Variants in KATNIP observed in about 807,000 individuals in gnomAD.
KATNIP encodes the protein katanin interacting protein.
KATNIP carries 126 observed loss-of-function variants against 174.0 expected under a neutral mutation model. The ratio of observed to expected loss-of-function variants is 0.72; its 90% CI spans 0.63 to 0.84. The LOEUF (loss-of-function observed/expected upper bound fraction) is 0.84, where lower values mean the gene tolerates loss of function less well. Among genes scored for constraint, KATNIP ranks in the 40% least tolerant of loss-of-function variants. The probability of loss-of-function intolerance (pLI) is 0.00; values close to 1 mark genes in which losing one functional copy is unlikely to be tolerated. For synonymous variants in KATNIP, 810 were observed against 835.7 expected (o/e 0.97, Z 0.53); for missense variants, 1,958 against 2,109.7 (o/e 0.93, Z 1.41).
intron 20 of KATNIP, among the ~76,000 whole-genome samples, chr16:27,766,714 G>T (rs2082138421): frequency 6.6e-6 from 1 of 152,208 alleles, no homozygotes. Context: ...GGTGCTGGGG[G>T]GTCCTAGGCA....
At chr16:27,667,494 T>C (rs1308129610) in intron 6 of KATNIP, among the ~76,000 whole-genome samples, 1 of 152,130 alleles carries the variant, frequency 6.6e-6, no homozygotes, top group Non-Finnish European at 1.5e-5. Context: ...ACTAGCAATA[T>C]ATGCCAGACT....
At chr16:27,772,462 C>T (rs1314511062) in intron 22 of KATNIP, among the ~76,000 whole-genome samples, 1 of 152,212 alleles carries the variant, frequency 6.6e-6, no homozygotes, top group African/African-American at 2.4e-5. Flanking sequence ...ATCTGAGAGC[C>T]ACCCGGCCTG....
At chr16:27,702,846 A>G (rs757933528) in intron 11 of KATNIP, among the ~76,000 whole-genome samples, 7 of 152,142 alleles carry the variant, frequency 4.6e-5, no homozygotes, top group Non-Finnish European at 8.8e-5. Flanking sequence ...CATTGTGGCC[A>G]TAATAAGAAC....
At chr16:27,759,353 T>C (rs1394657109) in intron 18 of KATNIP, among the ~76,000 whole-genome samples, 1 of 152,140 alleles carries the variant, frequency 6.6e-6, no homozygotes, top group Admixed American at 6.5e-5. Flanking sequence ...GAGCTCTGGT[T>C]ATTAGGGAAG....
At chr16:27,640,731 C>T (rs890244609) in intron 5 of KATNIP, among the ~76,000 whole-genome samples, 2 of 141,314 alleles carry the variant, frequency 1.4e-5, no homozygotes, top group Non-Finnish European at 3.0e-5. Context: ...TGTATGCAGT[C>T]GGCGCTCAGT....
At chr16:27,623,273 G>C in intron 3 of KATNIP, among the ~76,000 whole-genome samples, 1 of 152,190 alleles carries the variant, frequency 6.6e-6, no homozygotes, top group Non-Finnish European at 1.5e-5. Context: ...CCAGGTTGGA[G>C]GTTTCCTTGG....
At chr16:27,775,171 C>G in intron 24 of KATNIP, 87 bp downstream of exon 24, 1 of 1,482,054 alleles carries the variant, frequency 6.7e-7, no homozygotes, top group Non-Finnish European at 9.1e-7. Flanking sequence ...ACACGTCTTT[C>G]TTCCAGGTCA....
At chr16:27,730,604 T>C (rs1218095890) in intron 14 of KATNIP, among the ~76,000 whole-genome samples, 2 of 152,222 alleles carry the variant, frequency 1.3e-5, no homozygotes, top group Admixed American at 6.5e-5. Flanking sequence ...GAGCCTGGAA[T>C]ACCTGACCCG....
intron 2 of KATNIP, among the ~76,000 whole-genome samples, chr16:27,585,368 T>C (rs1439205746): frequency 6.6e-6 from 1 of 152,210 alleles, no homozygotes; most frequent in Non-Finnish European, 1.5e-5. Context: ...GGAGAACAGT[T>C]TGGAGATTCC....
intron 13 of KATNIP, among the ~76,000 whole-genome samples, chr16:27,719,688 C>CT (rs766052561): frequency 2.0e-3 from 284 of 138,656 alleles, no homozygotes; most frequent in Admixed American, 2.2e-3. Context: ...GCCCTTATTT[C>CT]TTTTTTTTTT....
chr16:27,721,201 G>A (rs75733218), intron 13 of KATNIP, among the ~76,000 whole-genome samples: 3,924 of 152,208 alleles, frequency 0.026, 69 homozygotes, highest in Non-Finnish European at 0.041. Flanking sequence ...ATCAAATAGC[G>A]TCCCATCCTT....
chr16:27,750,102 T>C lies in KATNIP; in HGVS notation c.3142T>C (p.Trp1048Arg). The change falls in exon 16 of 28, where the codon TGG becomes CGG. Residue 1048 changes from tryptophan to arginine, a missense_variant. Trp to Arg is a moderately radical substitution (Grantham distance 101). This residue lies in a region of KATNIP where 1,557 missense variants were observed against 1,617.8 expected (regional missense o/e 0.96). Transcript: ENST00000261588. ...CAGGACCCAGGATGACATGCATGTC[T>C]GGCTGGCCCCCTTCACGCGGGGCAG... ...VNRTQDDMHV[W>R]LAPFTRGRSH... 1 of 1,614,160 alleles carries C rather than the reference T, an allele frequency of 6.2e-7. No homozygotes were observed. Among genetic ancestry groups the C allele is most frequent in the Non-Finnish European group, 8.5e-7 (1 of 1,180,020 alleles).
intron 2 of KATNIP, among the ~76,000 whole-genome samples, chr16:27,610,831 AT>A (rs2075869905): frequency 6.6e-6 from 1 of 152,234 alleles, no homozygotes; most frequent in South Asian, 2.1e-4. Flanking sequence ...GCTCACTGAG[AT>A]AAATGCATAT....
intron 2 of KATNIP, among the ~76,000 whole-genome samples, chr16:27,614,689 G>T (rs1035822161): frequency 6.6e-6 from 1 of 152,072 alleles, no homozygotes; most frequent in African/African-American, 2.4e-5. Context: ...GGCCAACTTA[G>T]CCAGAAGCAA....
At chr16:27,696,895 A>T (rs1000228540) in intron 8 of KATNIP, among the ~76,000 whole-genome samples, 10 of 151,888 alleles carry the variant, frequency 6.6e-5, no homozygotes, top group Middle Eastern at 3.4e-3. Flanking sequence ...CACCCAGCTA[A>T]TTTTTGTATT....
At chr16:27,558,877 A>G (rs1470999765) in intron 1 of KATNIP, among the ~76,000 whole-genome samples, 1 of 151,858 alleles carries the variant, frequency 6.6e-6, no homozygotes, top group Non-Finnish European at 1.5e-5. Flanking sequence ...CAGAGCCAGG[A>G]CTCAGTCGAA....
In KATNIP at chr16:27,711,455, A is replaced by C. The variant is rs141953169; in HGVS notation, c.1605+2535A>C. ...AAAATGAGAAGGGGAGATGGAGAAA[A>C]GGATAAAGCTTCATTCCCTTAGTTC... On this transcript the variant is annotated intron_variant, in intron 13 of 27. Coordinates refer to ENST00000261588, the MANE Select transcript of KATNIP (RefSeq NM_015202.5). 3.7e-3 allele frequency among the ~76,000 whole-genome samples: 562 copies of C among 152,304 alleles called. 2 individuals carry two copies. Among genetic ancestry groups the C allele is most frequent in the African/African-American group, 0.013 (528 of 41,574 alleles).
At chr16:27,716,854 T>A (rs2143011414) in intron 13 of KATNIP, among the ~76,000 whole-genome samples, 1 of 151,984 alleles carries the variant, frequency 6.6e-6, no homozygotes, top group South Asian at 2.1e-4. Flanking sequence ...ACGTAGCATT[T>A]TTTTTTTTGA....
intron 14 of KATNIP, among the ~76,000 whole-genome samples, chr16:27,737,765 T>C (rs940537216): frequency 5.9e-5 from 9 of 152,100 alleles, no homozygotes; most frequent in Non-Finnish European, 1.0e-4. Flanking sequence ...ACCCACCCAC[T>C]CCTAGGAGAA....
Sources: gnomAD v4.1 joint callset for allele counts (sites outside exome capture counted in the v4.1 genomes callset) on GRCh38, gnomAD v4.1.1 for gene constraint, gnomAD v4.1.1 regional missense constraint, MANE v1.5 for transcripts, NCBI Gene and HGNC (gene_info 2026-07-23, HGNC 2026-07-21) for gene names.